KCNQ3: variants seen among roughly 807,000 people sequenced by gnomAD.
The protein encoded by KCNQ3 is potassium voltage-gated channel subfamily Q member 3.
In KCNQ3, 30 loss-of-function variants were observed where a neutral mutation model predicts 92.5. The observed-to-expected ratio is 0.32, with a 90% CI of 0.24 to 0.44. KCNQ3 has a LOEUF of 0.44. KCNQ3 is among the 20% of genes least tolerant of loss of function. KCNQ3 has a pLI of 1.00. For missense variants in KCNQ3, 913 were observed against 1,140.3 expected, an observed-to-expected ratio of 0.80 and a Z score of 2.87; for synonymous variants, 450 against 468.8, an observed-to-expected ratio of 0.96 and a Z score of 0.52.
rs990515326 is a variant in KCNQ3 at position 132,129,502 on chromosome 8, C to T, written c.2379G>A (p.Met793Ile). Residue 793 changes from methionine to isoleucine, a missense_variant, in exon 15 of 15, where the codon ATG becomes ATA. Physicochemically the swap from Met to Ile is conservative, Grantham distance 10. Around this residue, in one of 6 missense-constraint regions of KCNQ3, gnomAD observed 375 missense variants for 376.4 expected, o/e 1.00. Coordinates refer to ENST00000388996, the MANE Select transcript of KCNQ3 (RefSeq NM_004519.4). This position sits in a 1 kb window ranked among gnomAD's most constrained non-coding sequence, Gnocchi z 5.9. ...TRDSDTPLSL[M>I]SVNHEELERS... Reference sequence around the variant, plus strand: ...TCTCCAGCTCCTCGTGGTTGACCGACATCAGGGACAGAGGTGTGTCACTGT... The same window carrying T: ...TCTCCAGCTCCTCGTGGTTGACCGATATCAGGGACAGAGGTGTGTCACTGT... The T allele has an allele frequency of 1.2e-6, 2 of 1,614,212 alleles. No individual in the cohort carries two copies. The highest frequency in any genetic ancestry group is 1.7e-6 in the Non-Finnish European group (2 of 1,180,044).
At chr8:132,432,408 A>G (rs1821277537) in intron 1 of KCNQ3, among the ~76,000 whole-genome samples, 1 of 152,050 alleles carries the variant, frequency 6.6e-6, no homozygotes. Flanking sequence ...AAAATATTGG[A>G]CAATGTTTTC....
At chr8:132,232,345 T>C (rs1814670620) in intron 1 of KCNQ3, among the ~76,000 whole-genome samples, 2 of 152,154 alleles carry the variant, frequency 1.3e-5, no homozygotes, top group Admixed American at 1.3e-4. Flanking sequence ...ATGCTGTAGG[T>C]TGTTGGACCA....
chr8:132,316,152 C>T, intron 1 of KCNQ3, among the ~76,000 whole-genome samples: 1 of 152,018 alleles, frequency 6.6e-6, no homozygotes, highest in Admixed American at 6.6e-5. Context: ...CCCAGATAAG[C>T]CATCGTGATT....
intron 1 of KCNQ3, among the ~76,000 whole-genome samples, chr8:132,268,702 G>A (rs962160396): frequency 2.6e-5 from 4 of 152,190 alleles, no homozygotes; most frequent in African/African-American, 9.7e-5. Flanking sequence ...CCATGTGCAG[G>A]TTTTTGTGTG....
intron 1 of KCNQ3, among the ~76,000 whole-genome samples, chr8:132,248,052 G>A (rs1815245824): frequency 1.3e-5 from 2 of 152,138 alleles, no homozygotes; most frequent in Admixed American, 1.3e-4. Context: ...AAGTGGCAGA[G>A]CTAGGATTCA....
At chr8:132,437,301 T>A (rs1042156347) in intron 1 of KCNQ3, among the ~76,000 whole-genome samples, 19 of 147,908 alleles carry the variant, frequency 1.3e-4, no homozygotes, top group Non-Finnish European at 2.1e-4. Context: ...AAATAAAAAA[T>A]AAAAAAAATA....
chr8:132,400,836 C>T (rs1820312861), intron 1 of KCNQ3, among the ~76,000 whole-genome samples: 2 of 152,218 alleles, frequency 1.3e-5, no homozygotes, highest in African/African-American at 4.8e-5. Context: ...CCTTTCCCTC[C>T]CCTCCTGCTT....
chr8:132,465,857 G>A (rs1197038108), intron 1 of KCNQ3, among the ~76,000 whole-genome samples: 1 of 151,858 alleles, frequency 6.6e-6, no homozygotes, highest in Non-Finnish European at 1.5e-5. Context: ...GGCTGTGGTG[G>A]GCCATGATTG....
At chr8:132,294,738 T>C (rs980783280) in intron 1 of KCNQ3, among the ~76,000 whole-genome samples, 8 of 152,194 alleles carry the variant, frequency 5.3e-5, no homozygotes, top group African/African-American at 1.9e-4. Context: ...ACAGATCAGA[T>C]AAACTGCTAG....
chr8:132,395,769 C>T (rs996730878), intron 1 of KCNQ3, among the ~76,000 whole-genome samples: 1 of 152,230 alleles, frequency 6.6e-6, no homozygotes, highest in Non-Finnish European at 1.5e-5. Context: ...GGCTCATCCC[C>T]ATTTGGCTGA....
chr8:132,303,745 GTGTATATA>G (rs1417158906), intron 1 of KCNQ3, among the ~76,000 whole-genome samples: 2 of 142,262 alleles, frequency 1.4e-5, no homozygotes, highest in Non-Finnish European at 3.0e-5. Context: ...CCACACATAT[GTGTATATA>G]TGTATATATC....
intron 1 of KCNQ3, among the ~76,000 whole-genome samples, chr8:132,455,030 G>A (rs1050038168): frequency 2.0e-5 from 3 of 152,176 alleles, no homozygotes; most frequent in Non-Finnish European, 2.9e-5. Context: ...GGGAAGTAGT[G>A]AGTTACTGTG....
chr8:132,166,158 T>C (rs1826136941), intron 8 of KCNQ3, among the ~76,000 whole-genome samples: 1 of 152,220 alleles, frequency 6.6e-6, no homozygotes, highest in Non-Finnish European at 1.5e-5. Context: ...AGAGTAGTCA[T>C]TAGTCATAGA....
At position 132,122,058 on chromosome 8, in the gene KCNQ3, C is replaced by T. The variant is rs928971876; in HGVS notation, c.*7204G>A. The T allele has an allele frequency of 2.0e-5, 3 of 152,228 alleles. No individual in the cohort carries two copies. The highest frequency in any genetic ancestry group is 4.2e-4 in the South Asian group (2 of 4,800). The allele number at this position is 152,228 out of a possible 1,614,324, so 9.4% of individuals were successfully genotyped here. On this transcript the variant is annotated 3_prime_UTR_variant, in exon 15 of 15. Transcript: ENST00000388996. ...GTAAAGCTGAGTGAACGTAGAAGCC[C>T]GAAGCATTGTGGAGGAGCTAGGGCC... is the stretch of plus-strand genomic sequence containing the variant.
chr8:132,154,223 T>A lies in KCNQ3; in HGVS notation c.1262+9245A>T, dbSNP rs924250973. Among the ~76,000 whole-genome samples the A allele has an allele frequency of 3.6e-4, 47 of 131,824 alleles. 1 individual carries two copies. The highest frequency in any genetic ancestry group is 7.2e-4 in the African/African-American group (26 of 36,262). The allele number at this position is 131,824 out of a possible 152,430, so 86.5% of individuals were successfully genotyped here. On this transcript the variant is annotated intron_variant, in intron 9 of 14. Transcript: ENST00000388996. ...TTTTTTTTTTTTTTTTTTTTTTTTT[T>A]AGCCAATCAGGCTTTTTGCCCCCTT... is the stretch of plus-strand genomic sequence containing the variant.
intron 9 of KCNQ3, among the ~76,000 whole-genome samples, chr8:132,162,255 T>C (rs986809294): frequency 2.0e-5 from 3 of 152,196 alleles, no homozygotes; most frequent in Admixed American, 1.3e-4. Flanking sequence ...ATGAATTTTC[T>C]TCATGTCTGT....
At chr8:132,208,936 A>G (rs1266551947) in intron 1 of KCNQ3, among the ~76,000 whole-genome samples, 1 of 152,068 alleles carries the variant, frequency 6.6e-6, no homozygotes, top group African/African-American at 2.4e-5. Flanking sequence ...TTGTATTTGT[A>G]TCAGGGTCTG....
At chr8:132,401,693 G>A (rs1207504359) in intron 1 of KCNQ3, among the ~76,000 whole-genome samples, 1 of 152,116 alleles carries the variant, frequency 6.6e-6, no homozygotes, top group Non-Finnish European at 1.5e-5. Flanking sequence ...ACTTTTAACT[G>A]CAACAATATA....
intron 1 of KCNQ3, among the ~76,000 whole-genome samples, chr8:132,250,149 G>A (rs772889139): frequency 1.2e-4 from 18 of 152,316 alleles, no homozygotes; most frequent in African/African-American, 1.9e-4. Context: ...TGGTCAGAGC[G>A]GACGCCGAGG....
Sources: gnomAD v4.1 joint callset for allele counts (sites outside exome capture counted in the v4.1 genomes callset) on GRCh38, gnomAD v4.1.1 for gene constraint, gnomAD v4.1.1 regional missense constraint, Gnocchi (gnomAD v3.1) non-coding constraint, MANE v1.5 for transcripts, NCBI Gene and HGNC (gene_info 2026-07-23, HGNC 2026-07-21) for gene names.